The following FGF13 variants were observed in gnomAD, a reference collection of about 807,000 sequenced individuals.
The protein encoded by FGF13 is fibroblast growth factor homologous factor 2.
In FGF13, 2 loss-of-function variants were observed where a neutral mutation model predicts 19.5. That is an observed-to-expected ratio of 0.10 (90% CI 0.04 to 0.32). The LOEUF (loss-of-function observed/expected upper bound fraction) is 0.32, where lower values mean the gene tolerates loss of function less well. Among genes scored for constraint, FGF13 ranks in the 10% least tolerant of loss-of-function variants. The pLI, the probability that FGF13 is intolerant of heterozygous loss-of-function variation, is 1.00. For synonymous variants in FGF13, 72 were observed against 76.9 expected, an observed-to-expected ratio of 0.94 and a Z score of 0.33; for missense variants, 113 against 192.7, an observed-to-expected ratio of 0.59 and a Z score of 2.45.
At chrX:139,083,315 G>A (rs1385962027) in intron 1 of FGF13, among the ~76,000 whole-genome samples, 1 of 110,992 alleles carries the variant, frequency 9.0e-6, no homozygotes, top group Non-Finnish European at 1.9e-5. Flanking sequence ...TTCATGTATC[G>A]TGCCCCAGTG....
At chrX:139,185,624 G>C (rs2084276780) in intron 1 of FGF13, among the ~76,000 whole-genome samples, 1 of 111,645 alleles carries the variant, frequency 9.0e-6, no homozygotes, top group Non-Finnish European at 1.9e-5. Flanking sequence ...GTGGGGTAGA[G>C]TTAGGACCTA....
At chrX:138,945,091 G>A (rs1463645515) in intron 1 of FGF13, among the ~76,000 whole-genome samples, 8 of 109,871 alleles carry the variant, frequency 7.3e-5, no homozygotes, top group Non-Finnish European at 1.5e-4. Context: ...TACACTAGGA[G>A]GAGGTCAAAG....
rs912917602 is a variant in FGF13 at position 138,625,267 on chromosome X, C to A, written c.*7583G>T. 1 of 107,783 alleles carries A rather than the reference C, an allele frequency of 9.3e-6. No individual in the cohort carries two copies. The highest frequency in any genetic ancestry group is 3.4e-5 in the African/African-American group (1 of 29,709). 8.9% of individuals were successfully genotyped at this position (107,783 alleles called of 1,213,427 possible). Reference sequence around the variant, plus strand: ...CCATTATGTAAAACAGTATGGAGATCCTCATAAAAGTAAAAATAGAACTAC... The same window carrying A: ...CCATTATGTAAAACAGTATGGAGATACTCATAAAAGTAAAAATAGAACTAC... On this transcript the variant is annotated 3_prime_UTR_variant, in exon 5 of 5. Coordinates refer to ENST00000315930, the MANE Select transcript of FGF13 (RefSeq NM_004114.5).
At chrX:138,949,903 T>C (rs917491558) in intron 1 of FGF13, among the ~76,000 whole-genome samples, 4 of 111,964 alleles carry the variant, frequency 3.6e-5, no homozygotes, top group African/African-American at 1.3e-4. Context: ...GAGACTTTGA[T>C]GCATAAGGCA....
At chrX:138,661,917 G>A (rs1024989958) in intron 3 of FGF13, among the ~76,000 whole-genome samples, 1 of 111,761 alleles carries the variant, frequency 8.9e-6, no homozygotes, top group African/African-American at 3.2e-5. Flanking sequence ...GATTTCATCA[G>A]GGGGTTCTAA....
At chrX:138,819,824 T>C (rs5931498) in intron 3 of FGF13, among the ~76,000 whole-genome samples, 28,796 of 111,077 alleles carry the variant, frequency 0.26, 3,387 homozygotes, top group South Asian at 0.41. Context: ...ATACTTATTA[T>C]GGAACTGCAT....
At chrX:138,932,508 C>T (rs984848306) in intron 1 of FGF13, among the ~76,000 whole-genome samples, 2 of 100,646 alleles carry the variant, frequency 2.0e-5, no homozygotes, top group Non-Finnish European at 4.0e-5. Flanking sequence ...GAACCCGGCG[C>T]GGGAGGGCGG....
intron 1 of FGF13, among the ~76,000 whole-genome samples, chrX:139,162,899 C>T (rs2084047584): frequency 8.9e-6 from 1 of 112,090 alleles, no homozygotes; most frequent in South Asian, 3.8e-4. Context: ...ACAACAGATG[C>T]TACAGAGGAT....
At chrX:139,170,824 T>C in intron 1 of FGF13, among the ~76,000 whole-genome samples, 1 of 111,936 alleles carries the variant, frequency 8.9e-6, no homozygotes, top group East Asian at 2.8e-4. Context: ...GGCCTGACAT[T>C]CAAGGCTGTC....
intron 3 of FGF13, among the ~76,000 whole-genome samples, chrX:138,847,951 G>C (rs1033689883): frequency 1.8e-5 from 2 of 111,622 alleles, no homozygotes; most frequent in Non-Finnish European, 3.8e-5. Flanking sequence ...GTAAAGAATT[G>C]TCAGTACTTT....
chrX:139,056,188 G>A (rs1447537945), intron 1 of FGF13, among the ~76,000 whole-genome samples: 9 of 112,341 alleles, frequency 8.0e-5, no homozygotes, highest in African/African-American at 9.7e-5. Flanking sequence ...CTAGTACTAC[G>A]TGTTTTACAC....
intron 3 of FGF13, among the ~76,000 whole-genome samples, chrX:138,814,726 G>C (rs779098082): frequency 9.0e-6 from 1 of 111,337 alleles, no homozygotes; most frequent in South Asian, 3.7e-4. Flanking sequence ...GAATATCATT[G>C]TGTTCTCATT....
At chrX:138,827,116 A>G (rs2091039650) in intron 3 of FGF13, among the ~76,000 whole-genome samples, 1 of 111,823 alleles carries the variant, frequency 8.9e-6, no homozygotes, top group Admixed American at 9.4e-5. Flanking sequence ...TAATGCTAGA[A>G]GAGTTTGTAT....
At chrX:138,745,439 C>T (rs2090348573) in intron 3 of FGF13, among the ~76,000 whole-genome samples, 1 of 111,824 alleles carries the variant, frequency 8.9e-6, no homozygotes, top group South Asian at 3.8e-4. Context: ...CATAGCACCC[C>T]CTTGTGGAGA....
chrX:138,974,748 C>T (rs2091933173), intron 1 of FGF13, among the ~76,000 whole-genome samples: 1 of 112,709 alleles, frequency 8.9e-6, no homozygotes, highest in African/African-American at 3.2e-5. Context: ...TCCGTAGATA[C>T]TTACATTCAT....
At chrX:139,200,067 C>T (rs1278471188) in intron 1 of FGF13, among the ~76,000 whole-genome samples, 1 of 112,124 alleles carries the variant, frequency 8.9e-6, no homozygotes, top group Non-Finnish European at 1.9e-5. Flanking sequence ...ATGATCACCT[C>T]CTTCAGCACA....
chrX:139,123,631 A>G (rs2083693845), intron 1 of FGF13, among the ~76,000 whole-genome samples: 1 of 111,941 alleles, frequency 8.9e-6, no homozygotes, highest in Non-Finnish European at 1.9e-5. Context: ...ACAACTTGGT[A>G]TTATATACTT....
Position 138,619,037 on chromosome X carries a change from C to T in FGF13, c.*13813G>A, listed in dbSNP as rs1364448369. The T allele has an allele frequency of 9.2e-6, 1 of 109,253 alleles. No individual in the cohort carries two copies. The highest frequency in any genetic ancestry group is 1.9e-5 in the Non-Finnish European group (1 of 52,562). The allele number at this position is 109,253 out of a possible 1,213,427, so 9.0% of individuals were successfully genotyped here. A position where few individuals can be genotyped will look rare whatever the true frequency, so the allele number is the denominator to read the frequency against. Reference sequence around the variant, plus strand: ...CAAGGAACACCTGCCAAAAACAACACAAAAATAATACCACCGAAGAAACTC... The same window carrying T: ...CAAGGAACACCTGCCAAAAACAACATAAAAATAATACCACCGAAGAAACTC... On this transcript the variant is annotated 3_prime_UTR_variant, in exon 5 of 5. Transcript: ENST00000315930.
intron 1 of FGF13, among the ~76,000 whole-genome samples, chrX:139,076,687 A>C (rs1401488486): frequency 8.9e-6 from 1 of 111,984 alleles, no homozygotes; most frequent in East Asian, 2.8e-4. Flanking sequence ...ACAACTAAAC[A>C]CTGGAAAACT....
Sources: allele counts gnomAD v4.1 joint callset (sites outside exome capture counted in the v4.1 genomes callset), GRCh38; gene constraint gnomAD v4.1.1; transcripts MANE v1.5; gene names NCBI Gene and HGNC (gene_info 2026-07-23, HGNC 2026-07-21).